The following PTPRN2 variants were observed in gnomAD, a reference collection of about 807,000 sequenced individuals.
PTPRN2 encodes receptor-type tyrosine-protein phosphatase N2.
PTPRN2 carries 74 observed loss-of-function variants against 118.8 expected under a neutral mutation model. That is an observed-to-expected ratio of 0.62 (90% CI 0.52 to 0.76). The LOEUF (loss-of-function observed/expected upper bound fraction) is 0.76, where lower values mean the gene tolerates loss of function less well. Among genes scored for constraint, PTPRN2 ranks in the 30% least tolerant of loss-of-function variants. The probability of loss-of-function intolerance (pLI) is 0.00; values close to 1 mark genes in which losing one functional copy is unlikely to be tolerated. For missense variants in PTPRN2, 1,481 were observed against 1,394.4 expected (o/e 1.06, Z -0.99); for synonymous variants, 641 against 608.0 (o/e 1.05, Z -0.80).
chr7:158,458,349 G>T (rs1261658117), intron 2 of PTPRN2, among the ~76,000 whole-genome samples: 1 of 152,118 alleles, frequency 6.6e-6, no homozygotes, highest in Non-Finnish European at 1.5e-5. Context: ...GAGAAGCTCG[G>T]CCCCCAGCTC....
intron 3 of PTPRN2, among the ~76,000 whole-genome samples, chr7:158,296,864 C>G (rs1800537592): frequency 6.6e-6 from 1 of 152,250 alleles, no homozygotes; most frequent in Non-Finnish European, 1.5e-5. Context: ...GTCACAGAGG[C>G]ACATGGCCAC....
intron 22 of PTPRN2, among the ~76,000 whole-genome samples, chr7:157,545,789 G>T (rs975143724): frequency 3.9e-5 from 6 of 152,110 alleles, no homozygotes; most frequent in Non-Finnish European, 7.3e-5. Context: ...ATGGTCTCCG[G>T]GTGCTCACCC....
At chr7:158,324,589 C>G (rs1221597052) in intron 2 of PTPRN2, among the ~76,000 whole-genome samples, 1 of 151,838 alleles carries the variant, frequency 6.6e-6, no homozygotes, top group African/African-American at 2.4e-5. Context: ...CCCGTACTGT[C>G]TCTCTGCTTG....
intron 11 of PTPRN2, among the ~76,000 whole-genome samples, chr7:157,965,469 A>G (rs911285007): frequency 4.6e-5 from 7 of 152,094 alleles, no homozygotes; most frequent in African/African-American, 1.2e-4. Flanking sequence ...TACACAGCTG[A>G]GGGGGTGAAG....
intron 2 of PTPRN2, among the ~76,000 whole-genome samples, chr7:158,399,520 G>A (rs1184419014): frequency 3.9e-5 from 6 of 152,130 alleles, no homozygotes; most frequent in African/African-American, 1.4e-4. Context: ...GCCAGGCATG[G>A]TAGCTCCTGC....
chr7:158,269,807 C>CAGAGACAGAGATAGAA (rs1798173337), intron 3 of PTPRN2, among the ~76,000 whole-genome samples: 1 of 151,058 alleles, frequency 6.6e-6, no homozygotes, highest in Non-Finnish European at 1.5e-5. Flanking sequence ...AGGAGAGGGA[C>CAGAGACAGAGATAGAA]AGAGACAGAG....
intron 11 of PTPRN2, among the ~76,000 whole-genome samples, chr7:158,018,708 C>A (rs1046366340): frequency 1.3e-5 from 2 of 152,060 alleles, no homozygotes; most frequent in Non-Finnish European, 2.9e-5. Context: ...CTCCTGTAAT[C>A]CCAGCACTTT....
chr7:158,151,703 A>C (rs1821185350), intron 6 of PTPRN2, among the ~76,000 whole-genome samples: 2 of 147,476 alleles, frequency 1.4e-5, no homozygotes, highest in Non-Finnish European at 3.0e-5. Context: ...CCTTCTCCCC[A>C]ATCTTCCTCC....
chr7:157,887,030 T>C (rs1796495228), intron 12 of PTPRN2, among the ~76,000 whole-genome samples: 1 of 151,194 alleles, frequency 6.6e-6, no homozygotes, highest in Admixed American at 6.6e-5. Flanking sequence ...ACAGCGGGCC[T>C]GTCCTGGGGC....
At chr7:158,085,024 C>A (rs533610311) in intron 10 of PTPRN2, among the ~76,000 whole-genome samples, 1 of 136,928 alleles carries the variant, frequency 7.3e-6, no homozygotes, top group South Asian at 2.5e-4. Flanking sequence ...TCCACACCCA[C>A]GACGCCCATC....
intron 12 of PTPRN2, among the ~76,000 whole-genome samples, chr7:157,798,289 G>T (rs1048957697): frequency 5.9e-5 from 9 of 152,112 alleles, no homozygotes; most frequent in Admixed American, 1.3e-4. Flanking sequence ...AAATAGAAAA[G>T]AATTATTTCT....
intron 11 of PTPRN2, among the ~76,000 whole-genome samples, chr7:158,071,684 GGTGGAGGTGCTTGTGGTGGAGGTGCTCC>G (rs1811778459): frequency 7.5e-6 from 1 of 134,228 alleles, no homozygotes; most frequent in Non-Finnish European, 1.7e-5. Flanking sequence ...AGGTGCTCCT[GGTGGAGGTGCTTGTGGTGGAGGTGCTCC>G]TGGTGGTGGA....
In PTPRN2 at chr7:158,060,420, T is replaced by A. The variant is rs149939894; in HGVS notation, c.1723+20878A>T. Among the ~76,000 whole-genome samples, 286 of 152,292 alleles carry A rather than the reference T, an allele frequency of 1.9e-3. 4 individuals carry two copies. In the East Asian group the frequency reaches 0.037, roughly 20 times the overall value. ...CTCGCCGTGTGTGTGTAACCTGCTT[T>A]CTCCCCAGCTCCCACGGCTGTGGCG... On this transcript the variant is annotated intron_variant, in intron 11 of 22. Transcript: ENST00000389418.
At chr7:158,501,092 T>C (rs1178560838) in intron 1 of PTPRN2, among the ~76,000 whole-genome samples, 1 of 152,272 alleles carries the variant, frequency 6.6e-6, no homozygotes, top group African/African-American at 2.4e-5. Context: ...TTATCAGCTT[T>C]ATGAAGTCTG....
chr7:158,319,946 G>C (rs1467791773), intron 2 of PTPRN2, among the ~76,000 whole-genome samples: 5 of 14,834 alleles, frequency 3.4e-4, no homozygotes, highest in African/African-American at 5.4e-4. Flanking sequence ...CACACACACA[G>C]CCTCCCTCAC....
At chr7:158,296,624 C>T (rs926360072) in intron 3 of PTPRN2, among the ~76,000 whole-genome samples, 1 of 152,218 alleles carries the variant, frequency 6.6e-6, no homozygotes, top group Non-Finnish European at 1.5e-5. Flanking sequence ...AGCATTCACC[C>T]CTAGACACGG....
intron 6 of PTPRN2, among the ~76,000 whole-genome samples, chr7:158,140,645 C>A (rs1489841470): frequency 6.6e-6 from 1 of 152,206 alleles, no homozygotes; most frequent in Non-Finnish European, 1.5e-5. Context: ...GCGAGGTCTG[C>A]CCAGGGCAAC....
intron 2 of PTPRN2, among the ~76,000 whole-genome samples, chr7:158,431,757 ATGGCTCACAC>A (rs1332626724): frequency 1.6e-5 from 2 of 124,490 alleles, no homozygotes; most frequent in Non-Finnish European, 3.4e-5. Flanking sequence ...CTGGCTCACA[ATGGCTCACAC>A]TGGGCACACA....
intron 11 of PTPRN2, among the ~76,000 whole-genome samples, chr7:157,900,225 C>T (rs1053036228): frequency 3.9e-5 from 6 of 152,216 alleles, no homozygotes; most frequent in Admixed American, 1.3e-4. Context: ...GGCAGGCCCA[C>T]GGCTCTGTCG....
Sources: gnomAD v4.1 joint callset for allele counts (sites outside exome capture counted in the v4.1 genomes callset) on GRCh38, gnomAD v4.1.1 for gene constraint, MANE v1.5 for transcripts, NCBI Gene and HGNC (gene_info 2026-07-23, HGNC 2026-07-21) for gene names.